Variants in ACOXL observed in about 807,000 individuals in gnomAD.
ACOXL encodes acyl-CoA oxidase like.
ACOXL carries 70 observed loss-of-function variants against 71.9 expected under a neutral mutation model. That is an observed-to-expected ratio of 0.97 (90% CI 0.80 to 1.19). ACOXL has a LOEUF of 1.19. ACOXL is among the 50% of genes most tolerant of loss of function. The pLI is 0.00. For synonymous variants in ACOXL, 253 were observed against 281.6 expected, an observed-to-expected ratio of 0.90 and a Z score of 1.02; for missense variants, 703 against 736.3, an observed-to-expected ratio of 0.95 and a Z score of 0.52.
intron 12 of ACOXL, among the ~76,000 whole-genome samples, chr2:110,972,913 G>A (rs2062273889): frequency 6.6e-6 from 1 of 152,202 alleles, no homozygotes. Context: ...ACATATCAAT[G>A]CAGACTTTCA....
chr2:110,814,039 A>T (rs1687644208), intron 9 of ACOXL, among the ~76,000 whole-genome samples: 1 of 152,204 alleles, frequency 6.6e-6, no homozygotes, highest in African/African-American at 2.4e-5. Context: ...TGTTCTTGGG[A>T]TAAACTCTGC....
chr2:110,833,563 T>C (rs529421344), intron 9 of ACOXL, among the ~76,000 whole-genome samples: 18 of 152,326 alleles, frequency 1.2e-4, no homozygotes, highest in Admixed American at 3.3e-4. Flanking sequence ...CTTACCATTG[T>C]GAGATACTGG....
At chr2:111,103,280 G>A (rs2069301060) in intron 17 of ACOXL, among the ~76,000 whole-genome samples, 1 of 152,058 alleles carries the variant, frequency 6.6e-6, no homozygotes, top group Admixed American at 6.6e-5. Flanking sequence ...GGGAGACAGA[G>A]CTAGACTGTG....
chr2:111,012,768 C>T (rs1450304751), intron 14 of ACOXL, among the ~76,000 whole-genome samples: 1 of 152,108 alleles, frequency 6.6e-6, no homozygotes, highest in Non-Finnish European at 1.5e-5. Flanking sequence ...AATGAAAACA[C>T]AACATACTAA....
At chr2:110,977,477 A>G (rs1268042106) in intron 12 of ACOXL, among the ~76,000 whole-genome samples, 1 of 152,114 alleles carries the variant, frequency 6.6e-6, no homozygotes, top group East Asian at 1.9e-4. Flanking sequence ...CAAAGAAAGG[A>G]AGGGCTTTTC....
At chr2:110,810,634 A>G (rs1272508536) in intron 9 of ACOXL, among the ~76,000 whole-genome samples, 1 of 152,040 alleles carries the variant, frequency 6.6e-6, no homozygotes, top group East Asian at 1.9e-4. Context: ...TCATCCACCC[A>G]TCCATCATCC....
chr2:110,746,256 GT>G (rs982867595), intron 1 of ACOXL, among the ~76,000 whole-genome samples: 1 of 151,762 alleles, frequency 6.6e-6, no homozygotes, highest in African/African-American at 2.4e-5. Context: ...GCAAACCTCT[GT>G]TTTTTTTCAA....
At chr2:110,970,409 TA>T (rs1207896279) in intron 12 of ACOXL, among the ~76,000 whole-genome samples, 4 of 152,202 alleles carry the variant, frequency 2.6e-5, no homozygotes, top group Non-Finnish European at 5.9e-5. Flanking sequence ...CATGTCAGTT[TA>T]CACAGAAAAA....
intron 10 of ACOXL, among the ~76,000 whole-genome samples, chr2:110,861,265 A>AT (rs1469254886): frequency 6.6e-6 from 1 of 152,186 alleles, no homozygotes; most frequent in African/African-American, 2.4e-5. Context: ...TTGCTTGATT[A>AT]TAAAGCTCAA....
intron 10 of ACOXL, among the ~76,000 whole-genome samples, chr2:110,896,248 A>G (rs1042181297): frequency 3.3e-5 from 5 of 152,188 alleles, no homozygotes; most frequent in African/African-American, 1.2e-4. Flanking sequence ...AGATATACTC[A>G]CAAACACTAT....
chr2:110,776,587 A>G (rs1305075532), intron 2 of ACOXL, among the ~76,000 whole-genome samples: 1 of 152,118 alleles, frequency 6.6e-6, no homozygotes, highest in East Asian at 1.9e-4. Flanking sequence ...CAGAGGGAAC[A>G]GCAGTCATGA....
chr2:110,910,992 C>G (rs915119565), intron 11 of ACOXL, among the ~76,000 whole-genome samples: 1 of 151,978 alleles, frequency 6.6e-6, no homozygotes, highest in African/African-American at 2.4e-5. Flanking sequence ...CTTTCTGTGT[C>G]TTTTCTAAGA....
At chr2:110,841,010 C>G (rs553269377) in intron 9 of ACOXL, among the ~76,000 whole-genome samples, 3 of 152,172 alleles carry the variant, frequency 2.0e-5, no homozygotes, top group African/African-American at 7.2e-5. Context: ...CAGCTACATG[C>G]GTGTTCTCCT....
In ACOXL at chr2:110,894,049, C is replaced by T. The variant is rs182381082; in HGVS notation, c.789-14740C>T. 7.7e-4 allele frequency among the ~76,000 whole-genome samples: 117 copies of T among 152,204 alleles called. 1 individual carries two copies. Among genetic ancestry groups the T allele is most frequent in the Admixed American group, 6.0e-3 (91 of 15,280 alleles). On this transcript the variant is annotated intron_variant, in intron 10 of 17. Coordinates refer to ENST00000439055, the MANE Select transcript of ACOXL (RefSeq NM_001142807.4). ...ATTTAACATTATCAGTCAATTTTCA[C>T]ACTTCTGCCAGGTGAACTTTCTAAA... is the stretch of plus-strand genomic sequence containing the variant.
intron 15 of ACOXL, among the ~76,000 whole-genome samples, chr2:111,035,039 T>G (rs896756465): frequency 6.6e-6 from 1 of 152,144 alleles, no homozygotes; most frequent in Non-Finnish European, 1.5e-5. Context: ...AGCTAATTTT[T>G]TGTATTTTAG....
intron 15 of ACOXL, among the ~76,000 whole-genome samples, chr2:111,043,914 A>G (rs1047041447): frequency 5.9e-5 from 9 of 152,080 alleles, no homozygotes; most frequent in Non-Finnish European, 1.3e-4. Flanking sequence ...CAGCTGGTGC[A>G]ATCTCCTCTT....
chr2:110,961,473 G>A (rs1228207738), intron 12 of ACOXL, among the ~76,000 whole-genome samples: 2 of 152,298 alleles, frequency 1.3e-5, no homozygotes, highest in East Asian at 3.9e-4. Flanking sequence ...TTCCAGGGCA[G>A]GGTGGAAGTA....
Sources: gnomAD v4.1 joint callset for allele counts (sites outside exome capture counted in the v4.1 genomes callset) on GRCh38, gnomAD v4.1.1 for gene constraint, MANE v1.5 for transcripts, NCBI Gene and HGNC (gene_info 2026-07-23, HGNC 2026-07-21) for gene names.